The following SEC14L5 variants were observed in gnomAD, a reference collection of about 807,000 sequenced individuals.
SEC14L5 encodes SEC14-like protein 5.
A neutral mutation model predicts 84.6 loss-of-function variants in SEC14L5; 96 were observed. That is an observed-to-expected ratio of 1.13 (90% confidence interval 0.96 to 1.34). SEC14L5 has a LOEUF of 1.34. SEC14L5 is among the 40% of genes most tolerant of loss of function. The pLI is 0.00. For synonymous variants in SEC14L5, 546 were observed against 383.4 expected (o/e 1.42, Z -4.95); for missense variants, 1,224 against 942.5 (o/e 1.30, Z -3.91).
intron 15 of SEC14L5, among the ~76,000 whole-genome samples, chr16:5,014,278 G>T (rs1955843919): frequency 6.6e-6 from 1 of 152,210 alleles, no homozygotes; most frequent in Middle Eastern, 3.2e-3. Context: ...GGTGGGCATG[G>T]TGCCTCACGC....
intron 2 of SEC14L5, among the ~76,000 whole-genome samples, chr16:4,980,398 T>C (rs2972290): frequency 0.99 from 149,958 of 152,234 alleles, 73,904 homozygotes; most frequent in East Asian, 1. Context: ...CTCCCCTCCG[T>C]GCCTGTTATC....
chr16:4,993,385 G>A (rs1275883355), intron 6 of SEC14L5, among the ~76,000 whole-genome samples: 1 of 152,150 alleles, frequency 6.6e-6, no homozygotes, highest in Non-Finnish European at 1.5e-5. Flanking sequence ...GGGATTACAG[G>A]CATGTGCCAC....
chr16:4,986,128 G>GTCT (rs1195314364), intron 2 of SEC14L5, among the ~76,000 whole-genome samples: 5 of 150,984 alleles, frequency 3.3e-5, no homozygotes, highest in Non-Finnish European at 5.9e-5. Flanking sequence ...GTGCTGTTAT[G>GTCT]TCTTCTTCTT....
chr16:4,959,213 G>C, intron 1 of SEC14L5, 60 bp from the exon 2 acceptor site: 1 of 790,672 alleles, frequency 1.3e-6, no homozygotes, highest in Non-Finnish European at 2.2e-6. Flanking sequence ...ACACTTGGTG[G>C]GTGGTGTCCC....
At position 5,014,913 on chromosome 16, in the gene SEC14L5, C is replaced by T. The variant is rs537226718; in HGVS notation, c.2034C>T (p.Ala678=). 2.1e-5 allele frequency: 34 copies of T among 1,613,480 alleles called. No individual in the cohort carries two copies. The highest frequency in any genetic ancestry group is 1.8e-4 in the Admixed American group (11 of 60,028). ...SCTSGFSQLS[A]ATSSSSSGQS... is the part of the protein sequence containing the mutation. ...CCAGCGGCTTCTCCCAGCTCAGCGC[C>T]GCCACCTCGTCCTCCTCCTCCGGCC... The change falls in exon 16 of 16, where the codon GCC becomes GCT. Residue 678 remains alanine (A), a synonymous_variant. Transcript: ENST00000251170.
chr16:4,959,733 T>C (rs1176729002), intron 2 of SEC14L5, among the ~76,000 whole-genome samples: 5 of 152,198 alleles, frequency 3.3e-5, no homozygotes, highest in Non-Finnish European at 7.3e-5. Context: ...GTGGTGATAA[T>C]GACAACAGCT....
rs112381539 is a variant in SEC14L5 at position 5,005,085 on chromosome 16, T to C, written c.1303-829T>C. Among the ~76,000 whole-genome samples, 840 of 152,116 alleles carry C rather than the reference T, an allele frequency of 5.5e-3. 5 individuals are homozygous for C. Among genetic ancestry groups the C allele is most frequent in the African/African-American group, 0.019 (802 of 41,476 alleles). ...CAGTACTTTGAGAGGCCGAGGTGGG[T>C]GGATCACCTGAGGTCAGGAGTTCAA... On this transcript the variant is annotated intron_variant, in intron 11 of 15. Coordinates refer to ENST00000251170, the MANE Select transcript of SEC14L5 (RefSeq NM_014692.2).
chr16:4,963,795 G>C (rs1349523825), intron 2 of SEC14L5, among the ~76,000 whole-genome samples: 1 of 152,106 alleles, frequency 6.6e-6, no homozygotes, highest in African/African-American at 2.4e-5. Flanking sequence ...AGCCTTAGCT[G>C]GGAGTACAAG....
In SEC14L5 at chr16:5,008,488, T is replaced by A. The variant is rs867438103; in HGVS notation, c.1640T>A (p.Val547Glu). The A allele has an allele frequency of 6.2e-7, 1 of 1,613,576 alleles. No homozygotes were observed. The highest frequency in any genetic ancestry group is 8.5e-7 in the Non-Finnish European group (1 of 1,179,782). The part of the protein sequence containing the change: ...TWDFDILRGD[V>E]VFSLYHTKQA... ...GACTTTGACATCCTGCGAGGGGACG[T>A]GGTGTTCAGCCTGTACCACACCAAG... Residue 547 changes from valine (V) to glutamate (E), a missense_variant, in exon 14 of 16, where the codon GTG becomes GAG. Coordinates refer to ENST00000251170, the MANE Select transcript of SEC14L5 (RefSeq NM_014692.2).
At chr16:4,980,652 A>G (rs1264500584) in intron 2 of SEC14L5, among the ~76,000 whole-genome samples, 3 of 152,190 alleles carry the variant, frequency 2.0e-5, no homozygotes, top group Non-Finnish European at 4.4e-5. Flanking sequence ...TTGGAAAAGC[A>G]GGCGATCCTC....
intron 2 of SEC14L5, among the ~76,000 whole-genome samples, chr16:4,964,337 C>A (rs990978650): frequency 6.6e-6 from 1 of 152,058 alleles, no homozygotes; most frequent in African/African-American, 2.4e-5. Flanking sequence ...ACCTGTAATC[C>A]CAGCACTTTG....
chr16:4,965,543 C>A (rs904628248), intron 2 of SEC14L5, among the ~76,000 whole-genome samples: 1 of 150,970 alleles, frequency 6.6e-6, no homozygotes, highest in Non-Finnish European at 1.5e-5. Context: ...CGCCTGTAGT[C>A]CCAGCTACTC....
chr16:4,988,306 C>A, intron 4 of SEC14L5, 26 bp downstream of exon 4: 1 of 1,610,468 alleles, frequency 6.2e-7, no homozygotes. Flanking sequence ...CCTCAGCGCC[C>A]ACGCCCGGCA....
intron 15 of SEC14L5, among the ~76,000 whole-genome samples, chr16:5,013,021 A>G (rs116739404): frequency 6.6e-6 from 1 of 152,134 alleles, no homozygotes; most frequent in African/African-American, 2.4e-5. Flanking sequence ...GCGGAAGGCA[A>G]AGGGTCAGGA....
intron 2 of SEC14L5, among the ~76,000 whole-genome samples, chr16:4,986,412 T>C (rs974851985): frequency 6.6e-6 from 1 of 152,232 alleles, no homozygotes; most frequent in Admixed American, 6.5e-5. Context: ...AGTGCTGGGA[T>C]TGTATGCGTG....
chr16:5,005,077 G>A (rs568269885), intron 11 of SEC14L5, among the ~76,000 whole-genome samples: 3 of 152,296 alleles, frequency 2.0e-5, no homozygotes, highest in Non-Finnish European at 2.9e-5. Flanking sequence ...TTGAGAGGCC[G>A]AGGTGGGTGG....
Position 5,005,982 on chromosome 16 carries a change from A to G in SEC14L5, c.1371A>G (p.Gly457=), listed in dbSNP as rs1439986571. The change falls in exon 12 of 16, where the codon GGA becomes GGG. Residue 457 remains glycine (G), a synonymous_variant. Coordinates refer to ENST00000251170, the MANE Select transcript of SEC14L5 (RefSeq NM_014692.2). ...FLIYSGSNYQ[G]PGGLVDYLDR... Reference sequence around the variant, plus strand: ...TCTACAGTGGCAGCAACTACCAGGGACCCGGAGGCCTTGTGGACTATCTGG... The same window carrying G: ...TCTACAGTGGCAGCAACTACCAGGGGCCCGGAGGCCTTGTGGACTATCTGG... 9.9e-6 allele frequency: 16 copies of G among 1,613,346 alleles called. No homozygotes were observed. Among genetic ancestry groups the G allele is most frequent in the Non-Finnish European group, 1.3e-5 (15 of 1,179,692 alleles).
At chr16:4,976,512 T>G (rs1596619448) in intron 2 of SEC14L5, among the ~76,000 whole-genome samples, 1 of 152,314 alleles carries the variant, frequency 6.6e-6, no homozygotes, top group East Asian at 1.9e-4. Flanking sequence ...GTTGGGAGGT[T>G]CTATGATTAT....
intron 2 of SEC14L5, among the ~76,000 whole-genome samples, chr16:4,971,006 G>C (rs1307613714): frequency 6.6e-6 from 1 of 151,888 alleles, no homozygotes; most frequent in Admixed American, 6.6e-5. Context: ...TACGCGGGGG[G>C]CTGAGGCAGG....
Sources: gnomAD v4.1 joint callset for allele counts (sites outside exome capture counted in the v4.1 genomes callset) on GRCh38, gnomAD v4.1.1 for gene constraint, MANE v1.5 for transcripts, NCBI Gene and HGNC (gene_info 2026-07-23, HGNC 2026-07-21) for gene names.